The following GNB1 variants were observed in gnomAD, a reference collection of about 807,000 sequenced individuals.
GNB1 encodes the protein guanine nucleotide-binding protein G(I)/G(S)/G(T) subunit beta-1.
GNB1 carries 2 observed loss-of-function variants against 42.9 expected under a neutral mutation model. That is an observed-to-expected ratio of 0.05 (90% CI 0.02 to 0.15). The LOEUF (loss-of-function observed/expected upper bound fraction) is 0.15. Ranked by LOEUF, GNB1 falls within the 10% of genes least tolerant of loss-of-function variation. The probability of loss-of-function intolerance (pLI) is 1.00; values close to 1 mark genes in which losing one functional copy is unlikely to be tolerated. For missense variants in GNB1, 193 were observed against 462.2 expected (o/e 0.42, Z 5.34); for synonymous variants, 183 against 174.7 (o/e 1.05, Z -0.38).
At chr1:1,867,611 G>A (rs1481198338) in intron 1 of GNB1, among the ~76,000 whole-genome samples, 2 of 151,918 alleles carry the variant, frequency 1.3e-5, no homozygotes, top group Admixed American at 1.3e-4. Context: ...AGACTTGCTG[G>A]AACAATTATT....
Position 1,859,112 on chromosome 1 carries a change from C to T in GNB1, c.-95-19874G>A, listed in dbSNP as rs568259379. ...TCTCAGCTCACTGCAACCTCCACCT[C>T]TCAGGTTCAATCAATTCTCCTGTCT... On this transcript the variant is annotated intron_variant, in intron 1 of 11. Coordinates refer to ENST00000378609, the MANE Select transcript of GNB1 (RefSeq NM_002074.5). 3.3e-5 allele frequency among the ~76,000 whole-genome samples: 5 copies of T among 151,722 alleles called. No homozygotes were observed. The South Asian group carries it at 1.0e-3, about 32-fold the overall frequency.
chr1:1,861,538 A>T (rs1648626751), intron 1 of GNB1, among the ~76,000 whole-genome samples: 1 of 151,612 alleles, frequency 6.6e-6, no homozygotes, highest in South Asian at 2.1e-4. Flanking sequence ...GGGAAGCAGG[A>T]TTGGCAAGCA....
chr1:1,853,619 AC>A (rs775805354), intron 1 of GNB1, among the ~76,000 whole-genome samples: 2 of 152,228 alleles, frequency 1.3e-5, no homozygotes, highest in Non-Finnish European at 2.9e-5. Context: ...TATAGAAAGT[AC>A]CCTGAGTTGG....
chr1:1,787,301 G>T lies in GNB1; in HGVS notation c.*9+21C>A. 1 of 1,187,404 alleles carries T rather than the reference G, an allele frequency of 8.4e-7. No individual in the cohort carries two copies. Among genetic ancestry groups the T allele is most frequent in the Non-Finnish European group, 1.3e-6 (1 of 793,022 alleles). The allele number at this position is 1,187,404 out of a possible 1,614,324, so 73.6% of individuals were successfully genotyped here. A position where few individuals can be genotyped will look rare whatever the true frequency, so the allele number is the denominator to read the frequency against. On this transcript the variant is annotated intron_variant, in intron 11 of 11. Transcript: ENST00000378609. The surrounding 1 kb of genome is among the most constrained non-coding windows in gnomAD (Gnocchi z 4.4). ...CACGCACAGTTCTCCTCAGAGAAGG[G>T]CATTTGGGCTGCTGCATTACCTACT...
At chr1:1,868,985 C>T (rs1383923822) in intron 1 of GNB1, among the ~76,000 whole-genome samples, 2 of 151,234 alleles carry the variant, frequency 1.3e-5, no homozygotes, top group Admixed American at 1.3e-4. Context: ...GAGATCAAGA[C>T]CATCTTGGCT....
chr1:1,802,763 T>TAAA (rs374872245), intron 7 of GNB1, among the ~76,000 whole-genome samples: 3,382 of 137,554 alleles, frequency 0.025, 144 homozygotes, highest in African/African-American at 0.085. Flanking sequence ...GACTCCATCT[T>TAAA]AAAAAAAAAA....
chr1:1,788,990 T>C, intron 10 of GNB1, 63 bp downstream of exon 10: 1 of 1,170,770 alleles, frequency 8.5e-7, no homozygotes, highest in South Asian at 1.2e-5. Flanking sequence ...AACCACTCTG[T>C]GTTTGCTCTA....
chr1:1,848,778 C>T (rs1488804664), intron 1 of GNB1, among the ~76,000 whole-genome samples: 1 of 152,206 alleles, frequency 6.6e-6, no homozygotes, highest in Non-Finnish European at 1.5e-5. Flanking sequence ...CAGGTTAGCA[C>T]TCCTAATCCC....
chr1:1,800,784 A>T (rs922693601), intron 7 of GNB1, among the ~76,000 whole-genome samples: 8 of 152,092 alleles, frequency 5.3e-5, no homozygotes, highest in South Asian at 2.1e-4. Flanking sequence ...AAAATAAATT[A>T]AAAAAAGAGT....
intron 2 of GNB1, among the ~76,000 whole-genome samples, chr1:1,829,900 G>A (rs566205270): frequency 1.8e-4 from 27 of 151,760 alleles, no homozygotes; most frequent in East Asian, 1.4e-3. Context: ...CACCACAACC[G>A]GCTAATTTTT....
chr1:1,865,219 G>A (rs866457398), intron 1 of GNB1, among the ~76,000 whole-genome samples: 45 of 146,136 alleles, frequency 3.1e-4, no homozygotes, highest in Middle Eastern at 3.7e-3. Flanking sequence ...CAGAGATCAC[G>A]CCACAGAACT....
At chr1:1,855,341 AG>A (rs1648221494) in intron 1 of GNB1, among the ~76,000 whole-genome samples, 1 of 150,866 alleles carries the variant, frequency 6.6e-6, no homozygotes, top group African/African-American at 2.4e-5. Context: ...AAAAAAGAAA[AG>A]AAAAGAAGAA....
intron 1 of GNB1, chr1:1,890,363 C>G (rs1020538517): frequency 1.3e-5 from 2 of 151,138 alleles, no homozygotes; most frequent in Non-Finnish European, 3.0e-5. Context: ...CTCAAAGTCA[C>G]CCCGATAGGC....
chr1:1,844,725 G>C (rs1327377507), intron 1 of GNB1, among the ~76,000 whole-genome samples: 1 of 152,198 alleles, frequency 6.6e-6, no homozygotes, highest in African/African-American at 2.4e-5. Flanking sequence ...AACCAGAATA[G>C]GACACACGGC....
chr1:1,803,802 C>T lies in GNB1; in HGVS notation c.430+617G>A, dbSNP rs535884338. 1.8e-3 allele frequency among the ~76,000 whole-genome samples: 267 copies of T among 151,738 alleles called. 1 individual carries two copies. Among genetic ancestry groups the T allele is most frequent in the Non-Finnish European group, 2.7e-3 (182 of 67,916 alleles). On this transcript the variant is annotated intron_variant, in intron 7 of 11. Transcript: ENST00000378609. ...TTCAAGACCAGCCTGGCCAATACAG[C>T]AAAACCCCGCCTCTACTAAAAATAC...
At chr1:1,889,560 C>A (rs1310342893) in intron 1 of GNB1, among the ~76,000 whole-genome samples, 1 of 151,894 alleles carries the variant, frequency 6.6e-6, no homozygotes, top group Non-Finnish European at 1.5e-5. Flanking sequence ...GCCGCTAATC[C>A]CAGCACTTTG....
Position 1,804,586 on chromosome 1 carries a change from T to C in GNB1, c.268-5A>G. 6.4e-7 allele frequency: 1 copy of C among 1,573,420 alleles called. No homozygotes were observed. Among genetic ancestry groups the C allele is most frequent in the Non-Finnish European group, 8.6e-7 (1 of 1,158,596 alleles). On this transcript the variant is annotated splice_region_variant and splice_polypyrimidine_tract_variant and intron_variant, in intron 6 of 11. Transcript: ENST00000378609. ...GCGCAGAGGGATGGCGTGGACCTAA[T>C]GACAGAAAGACAGATGATGCAAACA...
chr1:1,843,818 G>A (rs901161390), intron 1 of GNB1, among the ~76,000 whole-genome samples: 30 of 152,134 alleles, frequency 2.0e-4, no homozygotes, highest in African/African-American at 7.0e-4. Context: ...CCAGTGCTTT[G>A]GGAGGCCGAG....
At chr1:1,854,072 C>T (rs556419995) in intron 1 of GNB1, among the ~76,000 whole-genome samples, 45 of 152,332 alleles carry the variant, frequency 3.0e-4, no homozygotes, top group African/African-American at 9.4e-4. Context: ...CAAGACACAG[C>T]ACTTGCTGTT....
Sources: gnomAD v4.1 joint callset for allele counts (sites outside exome capture counted in the v4.1 genomes callset) on GRCh38, gnomAD v4.1.1 for gene constraint, Gnocchi (gnomAD v3.1) non-coding constraint, MANE v1.5 for transcripts, NCBI Gene and HGNC (gene_info 2026-07-23, HGNC 2026-07-21) for gene names.